The following ZNF83 variants were observed in gnomAD, a reference collection of about 807,000 sequenced individuals.
ZNF83 encodes the protein zinc finger protein 83.
For missense variants in ZNF83, 552 were observed against 629.9 expected (o/e 0.88, Z 1.32); for synonymous variants, 209 against 213.0 (o/e 0.98, Z 0.17).
At chr19:52,670,518 C>G (rs1430336021) in intron 1 of ZNF83, among the ~76,000 whole-genome samples, 3 of 152,084 alleles carry the variant, frequency 2.0e-5, no homozygotes, top group Non-Finnish European at 2.9e-5. Flanking sequence ...ATATTTGGTG[C>G]TATTTCTTTT....
chr19:52,684,928 C>T (rs1189642828), intron 1 of ZNF83, among the ~76,000 whole-genome samples: 1 of 152,160 alleles, frequency 6.6e-6, no homozygotes, highest in Non-Finnish European at 1.5e-5. Flanking sequence ...TCCTGGGGAA[C>T]ACGGGAAGCC....
intron 2 of ZNF83, among the ~76,000 whole-genome samples, chr19:52,656,987 GA>G (rs2147266983): frequency 6.6e-6 from 1 of 152,012 alleles, no homozygotes; most frequent in East Asian, 1.9e-4. Flanking sequence ...AAGACCTAGA[GA>G]GGACACATCC....
chr19:52,676,722 G>A lies in ZNF83; in HGVS notation c.-283+13721C>T, dbSNP rs548754581. Among the ~76,000 whole-genome samples the A allele has an allele frequency of 9.5e-3, 1,315 of 138,982 alleles. 20 individuals carry two copies. The highest frequency in any genetic ancestry group is 0.032 in the African/African-American group (1,180 of 36,512). 91.2% of individuals were successfully genotyped at this position (138,982 alleles called of 152,430 possible). A position where few individuals can be genotyped will look rare whatever the true frequency, so the allele number is the denominator to read the frequency against. Reference sequence around the variant, plus strand: ...GGGGAAAAGATTGAGAAATCGGATGGTTGCCGTGTCTGTGTAGAAAGAAGT... The same window carrying A: ...GGGGAAAAGATTGAGAAATCGGATGATTGCCGTGTCTGTGTAGAAAGAAGT... On this transcript the variant is annotated intron_variant, in intron 1 of 5. Transcript: ENST00000594682.
intron 1 of ZNF83, among the ~76,000 whole-genome samples, chr19:52,676,812 G>T (rs4570980): frequency 4.5e-5 from 6 of 132,696 alleles, no homozygotes; most frequent in Non-Finnish European, 7.8e-5. Flanking sequence ...GGATCCTGTT[G>T]ATCTGTGACC....
chr19:52,639,415 A>ATTTTT (rs1160711365), upstream of ZNF83, among the ~76,000 whole-genome samples: 791 of 86,132 alleles, frequency 9.2e-3, 18 homozygotes, highest in African/African-American at 0.019. Context: ...AGTTTTTTCT[A>ATTTTT]TTTTTTTTTT....
Position 52,686,950 on chromosome 19 carries a change from G to A in ZNF83, c.-283+3493C>T, listed in dbSNP as rs190569560. On this transcript the variant is annotated intron_variant, in intron 1 of 5. Coordinates refer to the ZNF83 transcript ENST00000594682. ...TAATCCCAGCACTTTGGGAGATCGA[G>A]GTGAGCAGATCACCTGAGGTCAGGA... Among the ~76,000 whole-genome samples the A allele has an allele frequency of 2.3e-3, 348 of 152,080 alleles. 2 individuals carry two copies. The highest frequency in any genetic ancestry group is 8.0e-3 in the African/African-American group (332 of 41,520).
intron 1 of ZNF83, among the ~76,000 whole-genome samples, chr19:52,663,455 C>T (rs2061605427): frequency 6.6e-6 from 1 of 152,176 alleles, no homozygotes; most frequent in African/African-American, 2.4e-5. Context: ...CCTTCAACAT[C>T]TGCAAAGAAT....
chr19:52,688,638 T>A (rs897278178), intron 1 of ZNF83, among the ~76,000 whole-genome samples: 2 of 151,994 alleles, frequency 1.3e-5, no homozygotes, highest in Non-Finnish European at 2.9e-5. Flanking sequence ...TTCCTTCTCT[T>A]CCACCTCTTC....
At chr19:52,641,692 T>C (rs1001851827), upstream of ZNF83, among the ~76,000 whole-genome samples, 2 of 152,084 alleles carry the variant, frequency 1.3e-5, no homozygotes, top group African/African-American at 4.8e-5. Context: ...TTTCCTATTC[T>C]TTTTTTTCTG....
At chr19:52,638,421 G>GGGCGGGGCCTC (rs2061231294), upstream of ZNF83, 1 of 151,554 alleles carries the variant, frequency 6.6e-6, no homozygotes, top group Admixed American at 6.6e-5. Flanking sequence ...GGCGGGGCCT[G>GGGCGGGGCCTC]GATGAGGTAG....
chr19:52,634,531 A>C (rs2061081981), intron 2 of ZNF83, among the ~76,000 whole-genome samples: 2 of 152,182 alleles, frequency 1.3e-5, no homozygotes, highest in African/African-American at 2.4e-5. Flanking sequence ...TGTATCATGC[A>C]TGTCTGTGTA....
intron 2 of ZNF83, chr19:52,618,582 A>G: frequency 4.1e-6 from 1 of 241,346 alleles, no homozygotes; most frequent in Non-Finnish European, 8.0e-6. Flanking sequence ...TTTTTAGTAG[A>G]GATGACGTTT....
chr19:52,683,528 A>ACCCTAACTCTG (rs1216197668), intron 1 of ZNF83, among the ~76,000 whole-genome samples: 1 of 82,688 alleles, frequency 1.2e-5, no homozygotes, highest in Non-Finnish European at 2.3e-5. Context: ...ATCCAAAGGG[A>ACCCTAACTCTG]AGGGCAAAGT....
chr19:52,680,102 C>G (rs2061883022), intron 1 of ZNF83, among the ~76,000 whole-genome samples: 1 of 152,128 alleles, frequency 6.6e-6, no homozygotes, highest in Admixed American at 6.6e-5. Context: ...TTGCTTGAAC[C>G]TTGGAGACAG....
At chr19:52,617,620 A>G (rs2060359332) in intron 2 of ZNF83, 1 of 151,734 alleles carries the variant, frequency 6.6e-6, no homozygotes, top group Non-Finnish European at 1.5e-5. Context: ...AGTCCCAGCT[A>G]CTTGGGAGGC....
chr19:52,612,929 A>G, exon 3 of ZNF83: 3 of 1,191,058 alleles, frequency 2.5e-6, no homozygotes, highest in Non-Finnish European at 3.5e-6. Context: ...GCTCTGCTAC[A>G]TTCATTATAC....
intron 1 of ZNF83, among the ~76,000 whole-genome samples, chr19:52,674,688 ATATACT>A (rs150339135): frequency 0.04 from 6,166 of 152,252 alleles, 356 homozygotes; most frequent in African/African-American, 0.13. Flanking sequence ...TTAAACTAAG[ATATACT>A]TAGGAATAAA....
intron 1 of ZNF83, among the ~76,000 whole-genome samples, chr19:52,668,162 G>A (rs1000799622): frequency 2.0e-5 from 3 of 152,044 alleles, no homozygotes; most frequent in African/African-American, 7.2e-5. Context: ...CATCAGCATC[G>A]GCCTGGGGAT....
chr19:52,669,184 C>G (rs909738088), intron 1 of ZNF83, among the ~76,000 whole-genome samples: 1 of 152,212 alleles, frequency 6.6e-6, no homozygotes, highest in Non-Finnish European at 1.5e-5. Flanking sequence ...CTATCCCTTT[C>G]ACCCTGGCAT....
Sources: gnomAD v4.1 joint callset for allele counts (sites outside exome capture counted in the v4.1 genomes callset) on GRCh38, gnomAD v4.1.1 for gene constraint, MANE v1.5 for transcripts, NCBI Gene and HGNC (gene_info 2026-07-23, HGNC 2026-07-21) for gene names.